The following SLC24A3 variants were observed in gnomAD, a reference collection of about 807,000 sequenced individuals.
SLC24A3 encodes solute carrier family 24 member 3.
Under a neutral mutation model 75.8 loss-of-function variants are expected in SLC24A3, and 28 were observed. The ratio of observed to expected loss-of-function variants is 0.37; its 90% confidence interval spans 0.27 to 0.51. The LOEUF (loss-of-function observed/expected upper bound fraction) is 0.51. SLC24A3 is among the 20% of genes least tolerant of loss of function. The probability of loss-of-function intolerance (pLI) is 0.94; values close to 1 mark genes in which losing one functional copy is unlikely to be tolerated. For missense variants in SLC24A3, 663 were observed against 847.8 expected (o/e 0.78, Z 2.71); for synonymous variants, 372 against 334.1 (o/e 1.11, Z -1.24).
chr20:19,365,557 G>A (rs1452037338), intron 2 of SLC24A3, among the ~76,000 whole-genome samples: 3 of 152,068 alleles, frequency 2.0e-5, no homozygotes, highest in Non-Finnish European at 4.4e-5. Context: ...GGGCACTAGG[G>A]GATTTTTTTT....
At chr20:19,714,993 GC>G (rs1429849503) in intron 15 of SLC24A3, among the ~76,000 whole-genome samples, 1 of 152,184 alleles carries the variant, frequency 6.6e-6, no homozygotes. Flanking sequence ...GAAATGCATT[GC>G]CCCTCTTAGA....
At chr20:19,325,798 A>ATATAT (rs1984842072) in intron 2 of SLC24A3, among the ~76,000 whole-genome samples, 2 of 60,960 alleles carry the variant, frequency 3.3e-5, no homozygotes, top group African/African-American at 1.7e-4. Context: ...ATATATATAG[A>ATATAT]GAGAGAGAGA....
intron 1 of SLC24A3, among the ~76,000 whole-genome samples, chr20:19,245,185 G>A (rs1982450987): frequency 1.3e-5 from 2 of 152,132 alleles, no homozygotes; most frequent in Non-Finnish European, 2.9e-5. Context: ...TGCCCCAAGT[G>A]GGTTTGGAGT....
At chr20:19,546,385 G>A (rs377646134) in intron 3 of SLC24A3, among the ~76,000 whole-genome samples, 3 of 152,016 alleles carry the variant, frequency 2.0e-5, no homozygotes, top group Non-Finnish European at 4.4e-5. Context: ...CTGTGACACC[G>A]AAATCCTTTC....
rs141460742 is a variant in SLC24A3 at position 19,475,199 on chromosome 20, C to T, written c.272-40289C>T. On this transcript the variant is annotated intron_variant, in intron 2 of 16. Transcript: ENST00000328041. The stretch of plus-strand genomic sequence containing the variant: ...TAAAAATACAAAAAAATTAGCCGGG[C>T]GTGGTGGCGGTTGCCTGTAGTCACA... 2.7e-4 allele frequency among the ~76,000 whole-genome samples: 41 copies of T among 152,138 alleles called. 1 individual carries two copies. In the East Asian group the frequency reaches 7.0e-3, roughly 26 times the overall value.
At chr20:19,386,889 T>G (rs1986281883) in intron 2 of SLC24A3, among the ~76,000 whole-genome samples, 1 of 152,140 alleles carries the variant, frequency 6.6e-6, no homozygotes, top group Non-Finnish European at 1.5e-5. Flanking sequence ...TTGTGATGTC[T>G]TTGCCTTTGG....
At chr20:19,717,639 C>T in intron 16 of SLC24A3, 46 bp downstream of exon 16, 3 of 1,609,918 alleles carry the variant, frequency 1.9e-6, no homozygotes, top group Non-Finnish European at 2.5e-6. Flanking sequence ...CCTGTTCTTT[C>T]CTCCCCTTGG....
intron 6 of SLC24A3, among the ~76,000 whole-genome samples, chr20:19,652,448 A>T (rs971912187): frequency 6.6e-6 from 1 of 152,246 alleles, no homozygotes; most frequent in African/African-American, 2.4e-5. Context: ...ATGGTGAGTG[A>T]TGACCACAGA....
At chr20:19,505,269 C>A (rs183839602) in intron 2 of SLC24A3, among the ~76,000 whole-genome samples, 167 of 152,282 alleles carry the variant, frequency 1.1e-3, no homozygotes, top group Non-Finnish European at 2.0e-3. Context: ...AAGGCAGTTT[C>A]TCAATCTGCA....
chr20:19,340,146 A>G (rs1487395781), intron 2 of SLC24A3, among the ~76,000 whole-genome samples: 6 of 152,202 alleles, frequency 3.9e-5, no homozygotes, highest in Admixed American at 2.0e-4. Context: ...TTATTTAGAG[A>G]TAAGGTTTTT....
intron 6 of SLC24A3, among the ~76,000 whole-genome samples, chr20:19,604,004 C>T (rs2031563188): frequency 6.6e-6 from 1 of 152,176 alleles, no homozygotes; most frequent in Non-Finnish European, 1.5e-5. Flanking sequence ...GTCTGCAATC[C>T]CCGGGCAGCA....
intron 2 of SLC24A3, among the ~76,000 whole-genome samples, chr20:19,443,478 A>G (rs1987328648): frequency 6.6e-6 from 1 of 152,192 alleles, no homozygotes; most frequent in African/African-American, 2.4e-5. Flanking sequence ...TCAATCACTC[A>G]TTGCTGGTAG....
intron 2 of SLC24A3, among the ~76,000 whole-genome samples, chr20:19,311,517 A>G (rs1159148479): frequency 1.3e-5 from 2 of 152,134 alleles, no homozygotes; most frequent in African/African-American, 4.8e-5. Flanking sequence ...ACTCAGAGTG[A>G]TCAATGCTGT....
rs371919772 is a variant in SLC24A3, at chr20:19,222,689, T to C, written c.142+9705T>C. ...AAGCACTAAATAATTTATTTAGATA[T>C]ATAGCAGGACCATCCCAAATTATTT... On this transcript the variant is annotated intron_variant, in intron 1 of 16. Transcript: ENST00000328041. 2.0e-5 allele frequency among the ~76,000 whole-genome samples: 3 copies of C among 152,270 alleles called. No homozygotes were observed. In the East Asian group the frequency reaches 5.8e-4, roughly 29 times the overall value.
chr20:19,458,510 A>G (rs992532056), intron 2 of SLC24A3, among the ~76,000 whole-genome samples: 1 of 152,196 alleles, frequency 6.6e-6, no homozygotes, highest in Non-Finnish European at 1.5e-5. Flanking sequence ...TCATCAAACA[A>G]CATTAAGTAA....
chr20:19,292,311 A>G (rs1983960685), intron 2 of SLC24A3, among the ~76,000 whole-genome samples: 1 of 152,204 alleles, frequency 6.6e-6, no homozygotes, highest in Non-Finnish European at 1.5e-5. Flanking sequence ...AAGAGATTGT[A>G]GTTATTATTC....
intron 2 of SLC24A3, among the ~76,000 whole-genome samples, chr20:19,384,315 T>A (rs1025835839): frequency 3.9e-5 from 6 of 152,234 alleles, no homozygotes; most frequent in African/African-American, 1.4e-4. Flanking sequence ...TTGTGCTCTC[T>A]GAACAACATC....
chr20:19,443,954 A>G (rs1987337673), intron 2 of SLC24A3, among the ~76,000 whole-genome samples: 1 of 152,160 alleles, frequency 6.6e-6, no homozygotes, highest in Non-Finnish European at 1.5e-5. Context: ...CTTGTTTCTT[A>G]CCATTAATGT....
chr20:19,472,010 A>G (rs1987882002), intron 2 of SLC24A3, among the ~76,000 whole-genome samples: 1 of 152,228 alleles, frequency 6.6e-6, no homozygotes, highest in African/African-American at 2.4e-5. Context: ...GGGTTTTAAA[A>G]TTATTCAATT....
Sources: allele counts gnomAD v4.1 joint callset (sites outside exome capture counted in the v4.1 genomes callset), GRCh38; gene constraint gnomAD v4.1.1; transcripts MANE v1.5; gene names NCBI Gene and HGNC (gene_info 2026-07-23, HGNC 2026-07-21).